MAML3: variants seen among roughly 807,000 people sequenced by gnomAD.
MAML3 encodes the protein mastermind-like protein 3.
MAML3 carries 27 observed loss-of-function variants against 101.9 expected under a neutral mutation model. The ratio of observed to expected loss-of-function variants is 0.27; its 90% CI spans 0.20 to 0.37. The LOEUF (loss-of-function observed/expected upper bound fraction) is 0.37, where lower values mean the gene tolerates loss of function less well. Among genes scored for constraint, MAML3 ranks in the 10% least tolerant of loss-of-function variants. The pLI is 1.00. For synonymous variants in MAML3, 501 were observed against 555.9 expected, an observed-to-expected ratio of 0.90 and a Z score of 1.39; for missense variants, 1,316 against 1,444.9, an observed-to-expected ratio of 0.91 and a Z score of 1.45.
chr4:139,851,005 A>G (rs1240255923), intron 2 of MAML3, among the ~76,000 whole-genome samples: 1 of 152,138 alleles, frequency 6.6e-6, no homozygotes, highest in Non-Finnish European at 1.5e-5. Flanking sequence ...GAAAAGTGGG[A>G]AATTATGGTA....
intron 2 of MAML3, among the ~76,000 whole-genome samples, chr4:139,875,094 T>C (rs945994595): frequency 6.6e-6 from 1 of 152,178 alleles, no homozygotes; most frequent in Non-Finnish European, 1.5e-5. Context: ...TGAGCCATCA[T>C]GCCCAGCTGA....
At chr4:139,776,214 A>G (rs1357862005) in intron 2 of MAML3, among the ~76,000 whole-genome samples, 1 of 152,098 alleles carries the variant, frequency 6.6e-6, no homozygotes, top group Non-Finnish European at 1.5e-5. Flanking sequence ...CTCTAATTTT[A>G]TTTTGGGATA....
chr4:139,939,589 CTCCTG>C (rs1733562710), intron 1 of MAML3, among the ~76,000 whole-genome samples: 1 of 152,156 alleles, frequency 6.6e-6, no homozygotes, highest in African/African-American at 2.4e-5. Context: ...AATCTCTTGT[CTCCTG>C]TCCTTCCATA....
chr4:140,140,310 T>C (rs1728958993), intron 1 of MAML3, among the ~76,000 whole-genome samples: 1 of 151,836 alleles, frequency 6.6e-6, no homozygotes, highest in Admixed American at 6.6e-5. Context: ...GGTGACAGGG[T>C]GAGATTCCGT....
chr4:139,971,809 C>T (rs1023527081), intron 1 of MAML3, among the ~76,000 whole-genome samples: 2 of 152,102 alleles, frequency 1.3e-5, no homozygotes, highest in African/African-American at 4.8e-5. Context: ...CTAAAGAAGA[C>T]ACCTTAAAAA....
intron 1 of MAML3, among the ~76,000 whole-genome samples, chr4:140,091,445 A>C (rs375496813): frequency 3.3e-5 from 5 of 151,892 alleles, no homozygotes; most frequent in African/African-American, 9.7e-5. Flanking sequence ...CCTGTTCCTG[A>C]AATGACTAAT....
chr4:140,074,801 T>A (rs1311864925), intron 1 of MAML3, among the ~76,000 whole-genome samples: 2 of 152,208 alleles, frequency 1.3e-5, no homozygotes. Context: ...ATGGCTGAGA[T>A]AGTGACTCCT....
At chr4:139,845,814 A>G (rs7688216) in intron 2 of MAML3, among the ~76,000 whole-genome samples, 6,395 of 152,294 alleles carry the variant, frequency 0.042, 445 homozygotes, top group African/African-American at 0.15. Flanking sequence ...CTGAATAAAT[A>G]CATAGGTCAT....
At chr4:139,867,744 C>T (rs181024103) in intron 2 of MAML3, among the ~76,000 whole-genome samples, 294 of 152,300 alleles carry the variant, frequency 1.9e-3, no homozygotes, top group African/African-American at 6.4e-3. Context: ...ATCACTATTT[C>T]ACAGATGAGA....
intron 2 of MAML3, among the ~76,000 whole-genome samples, chr4:139,887,826 C>T (rs1732373176): frequency 1.3e-5 from 2 of 152,216 alleles, no homozygotes; most frequent in African/African-American, 4.8e-5. Context: ...CTACTACAAA[C>T]ATTCATGTAT....
chr4:139,968,233 C>A (rs1334258375), intron 1 of MAML3, among the ~76,000 whole-genome samples: 3 of 150,462 alleles, frequency 2.0e-5, no homozygotes, highest in African/African-American at 7.4e-5. Context: ...ATCACTGAAC[C>A]TCGGAGGTGG....
intron 2 of MAML3, among the ~76,000 whole-genome samples, chr4:139,840,778 G>A (rs1320241793): frequency 6.6e-6 from 1 of 152,186 alleles, no homozygotes; most frequent in African/African-American, 2.4e-5. Flanking sequence ...AGGTAAGGAG[G>A]ATGTTGCTCT....
intron 1 of MAML3, among the ~76,000 whole-genome samples, chr4:139,934,926 C>T (rs1733475884): frequency 6.6e-6 from 1 of 152,176 alleles, no homozygotes; most frequent in East Asian, 1.9e-4. Flanking sequence ...TTTGTTTCAA[C>T]AAAGCCAGGT....
chr4:139,762,428 C>T (rs1330039233), intron 2 of MAML3, among the ~76,000 whole-genome samples: 1 of 152,068 alleles, frequency 6.6e-6, no homozygotes, highest in Non-Finnish European at 1.5e-5. Context: ...TTTCTCCTGT[C>T]TTGTTGATTT....
chr4:139,758,129 A>T (rs964567363), intron 2 of MAML3, among the ~76,000 whole-genome samples: 1 of 152,178 alleles, frequency 6.6e-6, no homozygotes, highest in South Asian at 2.1e-4. Context: ...AATGATGGAA[A>T]ATAGGTCTGT....
At chr4:139,920,995 A>T (rs1484642606) in intron 1 of MAML3, among the ~76,000 whole-genome samples, 1 of 152,188 alleles carries the variant, frequency 6.6e-6, no homozygotes, top group East Asian at 1.9e-4. Flanking sequence ...AGGTGGGATC[A>T]GCTGAAAACG....
At chr4:139,884,993 C>G (rs17050971) in intron 2 of MAML3, among the ~76,000 whole-genome samples, 6,776 of 152,214 alleles carry the variant, frequency 0.045, 499 homozygotes, top group African/African-American at 0.15. Flanking sequence ...CAGATGTGAC[C>G]ATAGTAAGTT....
At chr4:140,010,096 G>A (rs1415974496) in intron 1 of MAML3, among the ~76,000 whole-genome samples, 1 of 152,152 alleles carries the variant, frequency 6.6e-6, no homozygotes, top group Non-Finnish European at 1.5e-5. Flanking sequence ...ACATGTATGA[G>A]AGTACCATCA....
intron 1 of MAML3, among the ~76,000 whole-genome samples, chr4:139,908,757 A>T (rs1732864326): frequency 6.6e-6 from 1 of 152,232 alleles, no homozygotes; most frequent in African/African-American, 2.4e-5. Flanking sequence ...GTATTCATAA[A>T]CTTCATGTAA....
Sources: gnomAD v4.1 joint callset for allele counts (sites outside exome capture counted in the v4.1 genomes callset) on GRCh38, gnomAD v4.1.1 for gene constraint, MANE v1.5 for transcripts, NCBI Gene and HGNC (gene_info 2026-07-23, HGNC 2026-07-21) for gene names.